The following INPP1 variants were observed in gnomAD, a reference collection of about 807,000 sequenced individuals.
INPP1 encodes the protein inositol polyphosphate 1-phosphatase.
INPP1 carries 18 observed loss-of-function variants against 23.0 expected under a neutral mutation model. The ratio of observed to expected loss-of-function variants is 0.78; its 90% CI spans 0.54 to 1.16. The LOEUF is 1.16. Ranked by LOEUF, INPP1 falls within the 50% of genes most tolerant of loss-of-function variation. INPP1 has a pLI of 0.00. For missense variants in INPP1, 448 were observed against 482.1 expected (o/e 0.93, Z 0.66); for synonymous variants, 164 against 176.3 (o/e 0.93, Z 0.55).
rs1195741663 is a variant in INPP1, at chr2:190,363,167, C to G, written c.265+480C>G. On this transcript the variant is annotated intron_variant, in intron 4 of 6. Transcript: ENST00000392329. The surrounding 1 kb of genome is among the most constrained non-coding windows in gnomAD (Gnocchi z 4.4). ...TTGAGCAAATTAACTCATCATTTCT[C>G]TAAGTCTCAGAACCTCTGTGAAGTA... 6.6e-6 allele frequency among the ~76,000 whole-genome samples: 1 copy of G among 152,194 alleles called. No homozygotes were observed. The highest frequency in any genetic ancestry group is 2.4e-5 in the African/African-American group (1 of 41,454).
At chr2:190,347,498 C>T (rs934656855) in intron 1 of INPP1, among the ~76,000 whole-genome samples, 2 of 151,944 alleles carry the variant, frequency 1.3e-5, no homozygotes, top group Non-Finnish European at 2.9e-5. Flanking sequence ...TTTCCTTTTC[C>T]TTCTTCCTCT....
In INPP1 at chr2:190,352,288, A is replaced by C. The variant is rs750566217; in HGVS notation, c.-65+3257A>C. On this transcript the variant is annotated intron_variant, in intron 2 of 6. Transcript: ENST00000392329. This position sits in a 1 kb window ranked among gnomAD's most constrained non-coding sequence, Gnocchi z 4.7. ...ATCAGCTACTAAAAGGCTAAACTTA[A>C]TCAGAGCCCATGAGGTAATGACAGC... Among the ~76,000 whole-genome samples, 4 of 152,246 alleles carry C rather than the reference A, an allele frequency of 2.6e-5. No homozygotes were observed. The highest frequency in any genetic ancestry group is 4.4e-5 in the Non-Finnish European group (3 of 68,036).
intron 1 of INPP1, among the ~76,000 whole-genome samples, chr2:190,347,732 C>A (rs558337057): frequency 6.6e-6 from 1 of 152,318 alleles, no homozygotes; most frequent in Non-Finnish European, 1.5e-5. Context: ...AGTAATAATT[C>A]ATATCAAAGG....
In INPP1 at chr2:190,367,483, A is replaced by C. The variant is rs1016491960; in HGVS notation, c.466+588A>C. 6.6e-6 allele frequency among the ~76,000 whole-genome samples: 1 copy of C among 152,250 alleles called. No individual in the cohort carries two copies. The highest frequency in any genetic ancestry group is 2.4e-5 in the African/African-American group (1 of 41,464). ...CGCATGAGCAGTTTGTGAGCCCTGCATGAGCTCTACATTTTTTTTGGTCAT... is the reference window on the plus strand; with the variant it reads ...CGCATGAGCAGTTTGTGAGCCCTGCCTGAGCTCTACATTTTTTTTGGTCAT... On this transcript the variant is annotated intron_variant, in intron 5 of 6. Coordinates refer to ENST00000392329, the MANE Select transcript of INPP1 (RefSeq NM_001128928.2). This position sits in a 1 kb window ranked among gnomAD's most constrained non-coding sequence, Gnocchi z 4.1.
intron 2 of INPP1, among the ~76,000 whole-genome samples, chr2:190,351,202 A>G (rs1689318049): frequency 6.6e-6 from 1 of 152,242 alleles, no homozygotes; most frequent in Non-Finnish European, 1.5e-5. Context: ...GAAAGCTGGG[A>G]TAGAGATTTG....
At chr2:190,351,658 C>A (rs370578010) in intron 2 of INPP1, among the ~76,000 whole-genome samples, 4 of 152,214 alleles carry the variant, frequency 2.6e-5, no homozygotes, top group African/African-American at 9.7e-5. Context: ...CATTCATTTT[C>A]TCTGCTGTAT....
intron 4 of INPP1, among the ~76,000 whole-genome samples, chr2:190,364,606 T>TTTTTG (rs796196740): frequency 2.1e-5 from 2 of 96,374 alleles, no homozygotes; most frequent in African/African-American, 4.4e-5. Context: ...TTTTTTTTTT[T>TTTTTG]GTTAGATGGA....
rs1050745250 is a variant in INPP1 at position 190,346,412 on chromosome 2, T to C, written c.-209+2451T>C. Among the ~76,000 whole-genome samples the C allele has an allele frequency of 2.0e-5, 3 of 152,204 alleles. No homozygotes were observed. In the East Asian group the frequency reaches 5.8e-4, roughly 29 times the overall value. On this transcript the variant is annotated intron_variant, in intron 1 of 6. Coordinates refer to ENST00000392329, the MANE Select transcript of INPP1 (RefSeq NM_001128928.2). The surrounding 1 kb of genome is among the most constrained non-coding windows in gnomAD (Gnocchi z 5.1). ...CACTCATTTAGGAAATCTGAAACTT[T>C]TATATTTTTTTCTGGTCAAGCTTCT...
chr2:190,365,197 G>A, intron 4 of INPP1: 1 of 169,094 alleles, frequency 5.9e-6, no homozygotes, highest in South Asian at 2.0e-4. Context: ...AAAGCACCTG[G>A]CCTCGGTAAC....
intron 2 of INPP1, among the ~76,000 whole-genome samples, chr2:190,359,299 C>G (rs1559082361): frequency 6.6e-6 from 1 of 151,918 alleles, no homozygotes; most frequent in South Asian, 2.1e-4. Flanking sequence ...GACCCTGTCT[C>G]AAAAACAAAA....
intron 3 of INPP1, among the ~76,000 whole-genome samples, chr2:190,361,431 T>C (rs1250597064): frequency 6.6e-6 from 1 of 152,182 alleles, no homozygotes; most frequent in Non-Finnish European, 1.5e-5. Context: ...CATCATGAAA[T>C]CTCTACAAAC....
chr2:190,357,077 C>A (rs1002141348), intron 2 of INPP1, among the ~76,000 whole-genome samples: 1 of 152,178 alleles, frequency 6.6e-6, no homozygotes, highest in African/African-American at 2.4e-5. Flanking sequence ...AGATTCAAGT[C>A]AACTAAAGTA....
intron 2 of INPP1, among the ~76,000 whole-genome samples, chr2:190,349,547 T>G (rs1242435022): frequency 2.6e-5 from 4 of 152,228 alleles, no homozygotes; most frequent in Non-Finnish European, 5.9e-5. Context: ...ATCTGACCCT[T>G]TTTTCTGCCT....
At chr2:190,347,847 G>T (rs531430435) in intron 1 of INPP1, among the ~76,000 whole-genome samples, 5 of 152,122 alleles carry the variant, frequency 3.3e-5, no homozygotes, top group Non-Finnish European at 7.4e-5. Flanking sequence ...CTCTTAAAAT[G>T]AGGATGGAGG....
intron 1 of INPP1, among the ~76,000 whole-genome samples, chr2:190,348,638 G>A (rs1689269461): frequency 6.6e-6 from 1 of 152,164 alleles, no homozygotes; most frequent in Non-Finnish European, 1.5e-5. Flanking sequence ...GAATCATAGA[G>A]TATTTGTCTT....
chr2:190,363,576 T>G lies in INPP1; in HGVS notation c.265+889T>G, dbSNP rs1188850655. On this transcript the variant is annotated intron_variant, in intron 4 of 6. Transcript: ENST00000392329. This position sits in a 1 kb window ranked among gnomAD's most constrained non-coding sequence, Gnocchi z 4.4. The stretch of plus-strand genomic sequence containing the variant: ...TAAATACTGATCATGTGACAAATAC[T>G]TATATATCTAGAAACACAATTACAA... Among the ~76,000 whole-genome samples, 1 of 152,192 alleles carries G rather than the reference T, an allele frequency of 6.6e-6. No individual in the cohort carries two copies. The highest frequency in any genetic ancestry group is 1.9e-4 in the East Asian group (1 of 5,202).
chr2:190,350,263 G>C (rs146708753), intron 2 of INPP1, among the ~76,000 whole-genome samples: 2 of 152,316 alleles, frequency 1.3e-5, no homozygotes, highest in African/African-American at 2.4e-5. Flanking sequence ...TTACTATGTA[G>C]ATCAACTATT....
Position 190,369,156 on chromosome 2 carries a change from A to G in INPP1, c.520A>G (p.Ile174Val). 6.2e-7 allele frequency: 1 copy of G among 1,608,456 alleles called. No individual in the cohort carries two copies. Among genetic ancestry groups the G allele is most frequent in the Non-Finnish European group, 8.5e-7 (1 of 1,175,750 alleles). ...GSADIKSNQG[I>V]FPCGLQCVTI... is the part of the protein sequence containing the mutation. ...TGCTGACATTAAATCCAACCAGGGAATCTTCCCCTGTGGACTTCAGTGTGT... is the reference window on the plus strand; with the variant it reads ...TGCTGACATTAAATCCAACCAGGGAGTCTTCCCCTGTGGACTTCAGTGTGT... The change falls in exon 6 of 7, where the codon ATC becomes GTC. Residue 174 changes from isoleucine (I) to valine (V), a missense_variant. By Grantham distance (29) the Ile-to-Val change is conservative (BLOSUM62 3). Transcript: ENST00000392329.
chr2:190,344,462 A>G (rs955930765), intron 1 of INPP1, among the ~76,000 whole-genome samples: 2 of 152,186 alleles, frequency 1.3e-5, no homozygotes, highest in African/African-American at 4.8e-5. Context: ...GCTGCCAGCT[A>G]CCTCCAGTGA....
Sources: allele counts gnomAD v4.1 joint callset (sites outside exome capture counted in the v4.1 genomes callset), GRCh38; gene constraint gnomAD v4.1.1; non-coding constraint Gnocchi (gnomAD v3.1); transcripts MANE v1.5; gene names NCBI Gene and HGNC (gene_info 2026-07-23, HGNC 2026-07-21).